WASHC2A: variants seen among roughly 807,000 people sequenced by gnomAD.
WASHC2A encodes the protein WASH complex subunit 2A.
In WASHC2A, 82 loss-of-function variants were observed where a neutral mutation model predicts 140.3. The ratio of observed to expected loss-of-function variants is 0.58; its 90% CI spans 0.49 to 0.70. WASHC2A has a LOEUF of 0.70. WASHC2A is among the 30% of genes least tolerant of loss of function. The probability of loss-of-function intolerance (pLI) is 0.00; values close to 1 mark genes in which losing one functional copy is unlikely to be tolerated. For synonymous variants in WASHC2A, 340 were observed against 560.8 expected, an observed-to-expected ratio of 0.61 and a Z score of 5.56; for missense variants, 985 against 1,521.8, an observed-to-expected ratio of 0.65 and a Z score of 5.87.
chr10:50,081,311 C>T (rs1353714000), intron 5 of WASHC2A, among the ~76,000 whole-genome samples: 1 of 134,754 alleles, frequency 7.4e-6, no homozygotes, highest in African/African-American at 2.8e-5. Context: ...TGGGGAGGCT[C>T]AAAAGAGACA....
At chr10:50,131,905 T>C (rs946334221) in intron 30 of WASHC2A, among the ~76,000 whole-genome samples, 74 of 152,298 alleles carry the variant, frequency 4.9e-4, no homozygotes, top group African/African-American at 1.7e-3. Flanking sequence ...ATTCAGAAAA[T>C]GTAAGAAGTG....
At position 50,095,757 on chromosome 10, in the gene WASHC2A, C is replaced by T. The variant is rs1410026019; in HGVS notation, c.1399C>T (p.His467Tyr). ...DDDDDFFSAP[H>Y]SKPSKTGKVQ... ...TGATGACGACTTTTTCTCGGCACCC[C>T]ACAGCAAACCTTCTAAAACAGGTAT... Residue 467 changes from histidine (H) to tyrosine (Y), a missense_variant, in exon 15 of 31, where the codon CAC becomes TAC. By Grantham distance (83) the His-to-Tyr change is moderately conservative (BLOSUM62 2). Transcript: ENST00000282633. The T allele has an allele frequency of 2.5e-6, 4 of 1,609,654 alleles. No homozygotes were observed. The African/African-American group carries it at 4.0e-5, about 16-fold the overall frequency.
At chr10:50,128,862 C>T (rs1299351558) in intron 28 of WASHC2A, among the ~76,000 whole-genome samples, 1 of 151,770 alleles carries the variant, frequency 6.6e-6, no homozygotes, top group African/African-American at 2.4e-5. Flanking sequence ...ATTTCTAAGC[C>T]ATATTTCTTA....
chr10:50,089,103 T>TCTC (rs1839648814), intron 8 of WASHC2A, among the ~76,000 whole-genome samples: 2 of 151,550 alleles, frequency 1.3e-5, no homozygotes, highest in Non-Finnish European at 2.9e-5. Context: ...TAGCTGGGAT[T>TCTC]ATAGGCATGT....
intron 19 of WASHC2A, among the ~76,000 whole-genome samples, chr10:50,109,164 G>A (rs1842047388): frequency 1.3e-5 from 2 of 152,310 alleles, no homozygotes; most frequent in Admixed American, 1.3e-4. Context: ...CTGCTGGCTT[G>A]TGGACTCCAG....
At chr10:50,113,145 A>C (rs1842419898) in intron 20 of WASHC2A, among the ~76,000 whole-genome samples, 1 of 151,538 alleles carries the variant, frequency 6.6e-6, no homozygotes, top group South Asian at 2.1e-4. Context: ...AAGTGGAAGG[A>C]TCTCTTGAGG....
intron 16 of WASHC2A, among the ~76,000 whole-genome samples, chr10:50,099,020 A>T (rs1338295504): frequency 8.5e-5 from 13 of 152,096 alleles, no homozygotes; most frequent in Non-Finnish European, 1.5e-4. Context: ...AGTTGAACAC[A>T]GTGTGAATAC....
At chr10:50,099,183 C>G (rs555861647) in intron 16 of WASHC2A, among the ~76,000 whole-genome samples, 1 of 152,126 alleles carries the variant, frequency 6.6e-6, no homozygotes, top group Non-Finnish European at 1.5e-5. Context: ...CTTTCTCTCC[C>G]TCTCCTTCCC....
chr10:50,088,960 T>TTC (rs1159867299), intron 8 of WASHC2A, among the ~76,000 whole-genome samples: 4 of 89,454 alleles, frequency 4.5e-5, no homozygotes, highest in Admixed American at 1.1e-4. Flanking sequence ...TTTCTTTCCT[T>TTC]TTTTTTTTTT....
chr10:50,084,871 G>A (rs1839253659), intron 6 of WASHC2A, among the ~76,000 whole-genome samples: 1 of 146,968 alleles, frequency 6.8e-6, no homozygotes, highest in African/African-American at 2.5e-5. Flanking sequence ...GAGTAGCTGG[G>A]ATTACAGGTG....
chr10:50,080,094 CTT>C (rs1838761084), intron 4 of WASHC2A, among the ~76,000 whole-genome samples: 1 of 152,096 alleles, frequency 6.6e-6, no homozygotes, highest in African/African-American at 2.4e-5. Flanking sequence ...CAATGGCACA[CTT>C]GTGTCTGCGG....
At chr10:50,111,662 C>T (rs1293558342) in intron 20 of WASHC2A, among the ~76,000 whole-genome samples, 1 of 152,142 alleles carries the variant, frequency 6.6e-6, no homozygotes, top group Non-Finnish European at 1.5e-5. Context: ...TTTTGTTGCT[C>T]TCTCCTGGGA....
intron 6 of WASHC2A, among the ~76,000 whole-genome samples, chr10:50,084,669 T>C (rs1435040384): frequency 4.7e-5 from 7 of 150,504 alleles, no homozygotes; most frequent in Non-Finnish European, 8.9e-5. Context: ...GACCTCATGA[T>C]CTGCCCGCCT....
Position 50,118,038 on chromosome 10 carries a change from G to C in WASHC2A, c.2275G>C (p.Asp759His). 2 of 1,607,632 alleles carry C rather than the reference G, an allele frequency of 1.2e-6. No individual in the cohort carries two copies. Among genetic ancestry groups the C allele is most frequent in the Non-Finnish European group, 1.7e-6 (2 of 1,177,312 alleles). Residue 759 changes from aspartate (D) to histidine (H), a missense_variant, in exon 22 of 31, where the codon GAT becomes CAT. Transcript: ENST00000282633. ...AKESLKFGRT[D>H]VAESEKEGLL... ...GGAGTCATTAAAATTTGGGAGAACTGATGTGGCTGAGTCAGAAAAGGTGGA... is the reference window on the plus strand; with the variant it reads ...GGAGTCATTAAAATTTGGGAGAACTCATGTGGCTGAGTCAGAAAAGGTGGA...
At chr10:50,074,486 C>T (rs1281196081) in intron 3 of WASHC2A, among the ~76,000 whole-genome samples, 2 of 151,340 alleles carry the variant, frequency 1.3e-5, no homozygotes, top group Admixed American at 6.6e-5. Flanking sequence ...CCAAAGTAAT[C>T]CCTGATCTTT....
rs1048210028 is a variant in WASHC2A, at chr10:50,130,104, T to C, written c.3708+65T>C. 19 of 1,604,968 alleles carry C rather than the reference T, an allele frequency of 1.2e-5. No homozygotes were observed. In the Admixed American group the frequency reaches 2.3e-4, roughly 20 times the overall value. On this transcript the variant is annotated intron_variant, in intron 29 of 30. Coordinates refer to ENST00000282633, the MANE Select transcript of WASHC2A (RefSeq NM_001005751.3). ...AAGGAAGGTATCTGATTGGCTTATT[T>C]GAGCCATAGATTATGTCTAGCTTGT...
chr10:50,081,677 A>G (rs1305665839), intron 5 of WASHC2A, among the ~76,000 whole-genome samples: 25 of 150,900 alleles, frequency 1.7e-4, no homozygotes, highest in Middle Eastern at 3.2e-3. Context: ...TCTGTCCTCC[A>G]GGCTGGAGTG....
chr10:50,088,520 A>T (rs1361258563), intron 8 of WASHC2A, among the ~76,000 whole-genome samples: 1 of 152,012 alleles, frequency 6.6e-6, no homozygotes, highest in Non-Finnish European at 1.5e-5. Flanking sequence ...TCGCCCTCCC[A>T]GAGTACTGGG....
chr10:50,090,515 A>AAAAAAAATATATATATATAT (rs1214596899), intron 8 of WASHC2A, among the ~76,000 whole-genome samples: 6 of 108,764 alleles, frequency 5.5e-5, no homozygotes, highest in African/African-American at 1.6e-4. Context: ...AAAAAAAAAA[A>AAAAAAAATATATATATATAT]ATATATATAT....
Sources: gnomAD v4.1 joint callset for allele counts (sites outside exome capture counted in the v4.1 genomes callset) on GRCh38, gnomAD v4.1.1 for gene constraint, MANE v1.5 for transcripts, NCBI Gene and HGNC (gene_info 2026-07-23, HGNC 2026-07-21) for gene names.